Variants in ARHGEF28 observed in about 807,000 individuals in gnomAD.
ARHGEF28 encodes the protein 190 kDa guanine nucleotide exchange factor.
In ARHGEF28, 152 loss-of-function variants were observed where a neutral mutation model predicts 206.6. The observed-to-expected ratio is 0.74, with a 90% CI of 0.64 to 0.84. ARHGEF28 has a LOEUF of 0.84. Ranked by LOEUF, ARHGEF28 falls within the 40% of genes least tolerant of loss-of-function variation. ARHGEF28 has a pLI of 0.00. For missense variants in ARHGEF28, 2,028 were observed against 2,073.2 expected, an observed-to-expected ratio of 0.98 and a Z score of 0.42; for synonymous variants, 763 against 776.4, an observed-to-expected ratio of 0.98 and a Z score of 0.29.
intron 1 of ARHGEF28, among the ~76,000 whole-genome samples, chr5:73,653,183 GCC>G (rs1744941215): frequency 6.6e-6 from 1 of 152,144 alleles, no homozygotes; most frequent in Admixed American, 6.5e-5. Context: ...ACTGTTTCTT[GCC>G]TTGGTTCTTC....
intron 14 of ARHGEF28, among the ~76,000 whole-genome samples, chr5:73,856,855 T>C (rs999707465): frequency 6.6e-6 from 1 of 152,146 alleles, no homozygotes; most frequent in Non-Finnish European, 1.5e-5. Flanking sequence ...TGACATGATA[T>C]TTAGGTTGAT....
At chr5:73,821,662 T>A (rs1322891200) in intron 9 of ARHGEF28, among the ~76,000 whole-genome samples, 2 of 152,154 alleles carry the variant, frequency 1.3e-5, no homozygotes, top group African/African-American at 4.8e-5. Flanking sequence ...TTTATCATGG[T>A]GTTTTTATAT....
At chr5:73,676,239 GTTT>G (rs879828934) in intron 1 of ARHGEF28, among the ~76,000 whole-genome samples, 1 of 82,478 alleles carries the variant, frequency 1.2e-5, no homozygotes. Flanking sequence ...CCCAGCTAAT[GTTT>G]TTTTTTTTTT....
In ARHGEF28 at chr5:73,865,822, T is replaced by A; in HGVS notation, c.2104-143T>A. ...ACATTTGACTCTTCATTGCATTTAA[T>A]GTCTTTTGCTTTGAATTCCTCTTGG... On this transcript the variant is annotated intron_variant, in intron 17 of 35. Coordinates refer to ENST00000513042, the MANE Select transcript of ARHGEF28 (RefSeq NM_001177693.2). 1.5e-6 allele frequency: 1 copy of A among 662,464 alleles called. No homozygotes were observed. The highest frequency in any genetic ancestry group is 2.6e-6 in the Non-Finnish European group (1 of 390,806). The allele number at this position is 662,464 out of a possible 1,614,324, so 41.0% of individuals were successfully genotyped here. A position where few individuals can be genotyped will look rare whatever the true frequency, so the allele number is the denominator to read the frequency against.
chr5:73,714,338 T>G (rs575419933), intron 2 of ARHGEF28, among the ~76,000 whole-genome samples: 7 of 152,330 alleles, frequency 4.6e-5, no homozygotes, highest in Admixed American at 1.3e-4. Context: ...CTCTTTCTGT[T>G]GGAACTTTTT....
intron 1 of ARHGEF28, among the ~76,000 whole-genome samples, chr5:73,647,562 G>C (rs974067892): frequency 1.3e-5 from 2 of 152,174 alleles, no homozygotes; most frequent in Non-Finnish European, 2.9e-5. Flanking sequence ...GTCAAAAGTG[G>C]TAGGTGAAAG....
intron 2 of ARHGEF28, among the ~76,000 whole-genome samples, chr5:73,696,315 T>A (rs998946788): frequency 6.6e-6 from 1 of 152,152 alleles, no homozygotes; most frequent in Non-Finnish European, 1.5e-5. Context: ...CGCCATAAGC[T>A]CCAGCCATAC....
At chr5:73,857,950 C>T in intron 15 of ARHGEF28, 137 bp from the exon 16 acceptor site, 1 of 1,384,438 alleles carries the variant, frequency 7.2e-7, no homozygotes, top group African/African-American at 1.5e-5. Context: ...GTTATGGTGT[C>T]CCTCTGTGTG....
At chr5:73,889,986 GT>G (rs1411114672) in intron 26 of ARHGEF28, among the ~76,000 whole-genome samples, 1 of 152,200 alleles carries the variant, frequency 6.6e-6, no homozygotes, top group African/African-American at 2.4e-5. Context: ...TTTAAACTTT[GT>G]TTGTTAAATG....
chr5:73,642,872 C>A (rs1336631361), intron 1 of ARHGEF28, among the ~76,000 whole-genome samples: 2 of 152,140 alleles, frequency 1.3e-5, no homozygotes, highest in Non-Finnish European at 2.9e-5. Context: ...GGTTTAAGTT[C>A]TAAACAATTG....
At chr5:73,940,407 A>G (rs1742529469) in intron 35 of ARHGEF28, among the ~76,000 whole-genome samples, 1 of 152,160 alleles carries the variant, frequency 6.6e-6, no homozygotes, top group South Asian at 2.1e-4. Context: ...CCTTGACCAC[A>G]TCAGTAAAGT....
intron 2 of ARHGEF28, among the ~76,000 whole-genome samples, chr5:73,708,736 T>C (rs1191530565): frequency 1.3e-5 from 2 of 152,226 alleles, no homozygotes; most frequent in East Asian, 3.8e-4. Flanking sequence ...AGCAATAAGA[T>C]TGCTGGGTCA....
chr5:73,832,956 T>A (rs1276115987), intron 10 of ARHGEF28, among the ~76,000 whole-genome samples: 1 of 152,202 alleles, frequency 6.6e-6, no homozygotes, highest in East Asian at 1.9e-4. Flanking sequence ...TTCATATTAA[T>A]ACAGAATGGT....
chr5:73,860,095 A>T (rs927532962), intron 16 of ARHGEF28, among the ~76,000 whole-genome samples: 1 of 152,126 alleles, frequency 6.6e-6, no homozygotes, highest in Non-Finnish European at 1.5e-5. Context: ...TCCGTGGCAC[A>T]CTACTCTTCT....
chr5:73,636,329 CT>C (rs771352790), intron 1 of ARHGEF28, among the ~76,000 whole-genome samples: 1 of 152,212 alleles, frequency 6.6e-6, no homozygotes, highest in Non-Finnish European at 1.5e-5. Context: ...GAAAATTCAA[CT>C]TTACCAAGAA....
intron 22 of ARHGEF28, among the ~76,000 whole-genome samples, chr5:73,874,637 C>T (rs36161473): frequency 0.6 from 85,349 of 141,854 alleles, 25,981 homozygotes; most frequent in African/African-American, 0.71. Flanking sequence ...TCTTATTGTT[C>T]AATTCCCATC....
At chr5:73,737,936 T>A (rs1460577925) in intron 2 of ARHGEF28, among the ~76,000 whole-genome samples, 1 of 152,190 alleles carries the variant, frequency 6.6e-6, no homozygotes, top group Non-Finnish European at 1.5e-5. Context: ...AAGTTTTCCA[T>A]GCTATGACTG....
At chr5:73,689,277 T>A (rs1747668429) in intron 2 of ARHGEF28, among the ~76,000 whole-genome samples, 1 of 152,208 alleles carries the variant, frequency 6.6e-6, no homozygotes, top group Admixed American at 6.5e-5. Context: ...AGACTCTATT[T>A]TCTTCTTGGA....
At chr5:73,881,277 G>T (rs1353393697) in intron 22 of ARHGEF28, among the ~76,000 whole-genome samples, 1 of 151,864 alleles carries the variant, frequency 6.6e-6, no homozygotes, top group Non-Finnish European at 1.5e-5. Context: ...AGCTGTTCTA[G>T]TTCCTTTCCT....
Sources: gnomAD v4.1 joint callset for allele counts (sites outside exome capture counted in the v4.1 genomes callset) on GRCh38, gnomAD v4.1.1 for gene constraint, MANE v1.5 for transcripts, NCBI Gene and HGNC (gene_info 2026-07-23, HGNC 2026-07-21) for gene names.